The following CDC23 variants were observed in gnomAD, a reference collection of about 807,000 sequenced individuals.
The protein encoded by CDC23 is cell division cycle 23.
In CDC23, 26 loss-of-function variants were observed where a neutral mutation model predicts 81.7. The observed-to-expected ratio is 0.32, with a 90% confidence interval of 0.23 to 0.44. The LOEUF (loss-of-function observed/expected upper bound fraction) is 0.44. Among genes scored for constraint, CDC23 ranks in the 20% least tolerant of loss-of-function variants. The pLI is 1.00. For synonymous variants in CDC23, 267 were observed against 270.8 expected (o/e 0.99, Z 0.14); for missense variants, 519 against 728.0 (o/e 0.71, Z 3.30).
chr5:138,198,293 A>T lies in CDC23; in HGVS notation c.931-13T>A. On this transcript the variant is annotated splice_polypyrimidine_tract_variant and intron_variant, in intron 8 of 15. Coordinates refer to ENST00000394886, the MANE Select transcript of CDC23 (RefSeq NM_004661.4). ...CCGATTTCATGCTCTGGGATAAAAG[A>T]AAAAGACAATATAAGCATGAAAAAA... The T allele has an allele frequency of 6.2e-7, 1 of 1,609,652 alleles. No individual in the cohort carries two copies. The highest frequency in any genetic ancestry group is 2.2e-5 in the East Asian group (1 of 44,858).
intron 2 of CDC23, among the ~76,000 whole-genome samples, chr5:138,208,157 C>T (rs1755073909): frequency 6.6e-6 from 1 of 152,004 alleles, no homozygotes; most frequent in Admixed American, 6.6e-5. Context: ...GACGGAGTTT[C>T]ACCAGGCTGG....
chr5:138,209,430 AAAAAG>A (rs562522195), intron 2 of CDC23, among the ~76,000 whole-genome samples: 100 of 151,182 alleles, frequency 6.6e-4, no homozygotes, highest in African/African-American at 2.0e-3. Flanking sequence ...TCAAAAAAAA[AAAAAG>A]AAAAGAAAAG....
intron 13 of CDC23, among the ~76,000 whole-genome samples, chr5:138,190,777 A>G (rs1175581121): frequency 6.6e-6 from 1 of 151,982 alleles, no homozygotes; most frequent in Non-Finnish European, 1.5e-5. Context: ...GCATGGTGGC[A>G]TAGGGCCATA....
chr5:138,199,918 C>T (rs1440572141), intron 6 of CDC23, among the ~76,000 whole-genome samples: 1 of 152,156 alleles, frequency 6.6e-6, no homozygotes, highest in East Asian at 1.9e-4. Flanking sequence ...ATCAACAAGA[C>T]TTTAAGGCCA....
In CDC23 at chr5:138,206,677, G is replaced by C; in HGVS notation, c.242C>G (p.Ala81Gly). 1 of 1,607,248 alleles carries C rather than the reference G, an allele frequency of 6.2e-7. No homozygotes were observed. The highest frequency in any genetic ancestry group is 8.5e-7 in the Non-Finnish European group (1 of 1,177,022). Residue 81 changes from alanine to glycine, a missense_variant, in exon 3 of 16, where the codon GCC becomes GGC. Coordinates refer to ENST00000394886, the MANE Select transcript of CDC23 (RefSeq NM_004661.4). ...QPPPPITEED[A>G]QDMDAYTLAK... ...CAGGGTATAGGCATCCATATCCTGG[G>C]CATCTTCCTAAAAAAGAAACAAGCT... is the stretch of plus-strand genomic sequence containing the variant.
At chr5:138,189,202 A>C in intron 15 of CDC23, 54 bp from the exon 16 acceptor site, 1 of 1,540,390 alleles carries the variant, frequency 6.5e-7, no homozygotes, top group Non-Finnish European at 8.9e-7. Context: ...AGTCTCGAAA[A>C]CAAGTTATTA....
chr5:138,199,613 G>A (rs1263895651), intron 6 of CDC23, among the ~76,000 whole-genome samples: 1 of 152,134 alleles, frequency 6.6e-6, no homozygotes, highest in Non-Finnish European at 1.5e-5. Context: ...AAGTAACTAT[G>A]GTTATGTCTC....
chr5:138,197,304 CAAAAAA>C (rs33974714), intron 9 of CDC23, among the ~76,000 whole-genome samples: 1 of 58,352 alleles, frequency 1.7e-5, no homozygotes, highest in African/African-American at 8.7e-5. Context: ...ACTCTGTCAC[CAAAAAA>C]AAAAAAAAAA....
intron 9 of CDC23, among the ~76,000 whole-genome samples, chr5:138,197,597 T>C (rs909941598): frequency 4.0e-5 from 6 of 150,476 alleles, no homozygotes; most frequent in Non-Finnish European, 7.4e-5. Flanking sequence ...CCCGGGTTCA[T>C]GTGATTCTTC....
At chr5:138,204,766 C>T (rs538623242) in intron 3 of CDC23, among the ~76,000 whole-genome samples, 4 of 151,958 alleles carry the variant, frequency 2.6e-5, no homozygotes, top group Admixed American at 2.6e-4. Context: ...ACTACAGGCG[C>T]TCGCCACTGC....
intron 3 of CDC23, among the ~76,000 whole-genome samples, chr5:138,204,873 C>T (rs1755030857): frequency 1.3e-5 from 2 of 151,346 alleles, no homozygotes; most frequent in Non-Finnish European, 2.9e-5. Flanking sequence ...TCCCAAAGTG[C>T]TGGGATTACA....
In CDC23 at chr5:138,191,395, G is replaced by A. The variant is rs1754825152; in HGVS notation, c.1424+79C>T. On this transcript the variant is annotated intron_variant, in intron 13 of 15. Transcript: ENST00000394886. ...CCTATGTAGAATGATGGGTGTATGG[G>A]AGGCTCTAGACCATGCAGGACCCAC... 4.3e-6 allele frequency: 5 copies of A among 1,159,616 alleles called. No individual in the cohort carries two copies. The South Asian group carries it at 4.9e-5, about 11-fold the overall frequency. 71.8% of individuals were successfully genotyped at this position (1,159,616 alleles called of 1,614,324 possible). A position where few individuals can be genotyped will look rare whatever the true frequency, so the allele number is the denominator to read the frequency against.
intron 2 of CDC23, among the ~76,000 whole-genome samples, chr5:138,209,122 T>C (rs966171385): frequency 2.0e-5 from 3 of 151,674 alleles, no homozygotes; most frequent in African/African-American, 7.3e-5. Context: ...TCACATCTTA[T>C]ATTCAGAAAA....
chr5:138,207,984 C>G (rs1755071544), intron 2 of CDC23, among the ~76,000 whole-genome samples: 1 of 148,882 alleles, frequency 6.7e-6, no homozygotes, highest in African/African-American at 2.5e-5. Flanking sequence ...TTTTTTGAGA[C>G]AGAGCCTCGC....
chr5:138,207,689 G>A (rs547750609), intron 2 of CDC23, among the ~76,000 whole-genome samples: 19 of 152,200 alleles, frequency 1.2e-4, no homozygotes, highest in Non-Finnish European at 5.9e-5. Flanking sequence ...TTGGCTGAGC[G>A]CAGTGGCTGT....
At chr5:138,208,199 G>A (rs911118758) in intron 2 of CDC23, among the ~76,000 whole-genome samples, 2 of 152,024 alleles carry the variant, frequency 1.3e-5, no homozygotes, top group South Asian at 2.1e-4. Flanking sequence ...CGATCCACCC[G>A]CCTTGAACTC....
intron 8 of CDC23, 26 bp downstream of exon 8, chr5:138,198,400 A>G (rs1370131647): frequency 6.2e-7 from 1 of 1,607,314 alleles, no homozygotes; most frequent in Non-Finnish European, 8.5e-7. Context: ...GAGCTTAATC[A>G]AATCCAAGCA....
At position 138,188,573 on chromosome 5, in the gene CDC23, G is replaced by C. The variant is rs1754783334; in HGVS notation, c.*405C>G. ...CTGACTTCTTCCTAGGGTACTCAGT[G>C]CCCTACTGCCAGCTCAGGGTAGAGT... On this transcript the variant is annotated 3_prime_UTR_variant, in exon 16 of 16. Transcript: ENST00000394886. 1 of 156,760 alleles carries C rather than the reference G, an allele frequency of 6.4e-6. No individual in the cohort carries two copies. Among genetic ancestry groups the C allele is most frequent in the Non-Finnish European group, 1.4e-5 (1 of 71,294 alleles). The allele number at this position is 156,760 out of a possible 1,614,324, so 9.7% of individuals were successfully genotyped here.
At chr5:138,205,850 CAAT>C (rs1368726850) in intron 3 of CDC23, 2 of 152,054 alleles carry the variant, frequency 1.3e-5, no homozygotes, top group African/African-American at 4.8e-5. Context: ...TTTTCAGCAC[CAAT>C]GACACTCAAA....
Sources: allele counts gnomAD v4.1 joint callset (sites outside exome capture counted in the v4.1 genomes callset), GRCh38; gene constraint gnomAD v4.1.1; transcripts MANE v1.5; gene names NCBI Gene and HGNC (gene_info 2026-07-23, HGNC 2026-07-21).